The following TMEM38B variants were observed in gnomAD, a reference collection of about 807,000 sequenced individuals.
TMEM38B encodes the protein trimeric intracellular cation channel type B.
TMEM38B carries 24 observed loss-of-function variants against 28.7 expected under a neutral mutation model. The observed-to-expected ratio is 0.84, with a 90% CI of 0.61 to 1.18. The LOEUF (loss-of-function observed/expected upper bound fraction) is 1.18. TMEM38B is among the 50% of genes most tolerant of loss of function. The pLI is 0.00. For missense variants in TMEM38B, 380 were observed against 350.9 expected (o/e 1.08, Z -0.66); for synonymous variants, 131 against 127.7 (o/e 1.03, Z -0.17).
At chr9:105,707,609 GT>G (rs1835723195) in intron 2 of TMEM38B, among the ~76,000 whole-genome samples, 1 of 152,118 alleles carries the variant, frequency 6.6e-6, no homozygotes, top group African/African-American at 2.4e-5. Context: ...GCAATGTTGA[GT>G]TGTTACGATA....
chr9:105,718,279 C>T (rs1441749889), intron 2 of TMEM38B, among the ~76,000 whole-genome samples: 1 of 150,604 alleles, frequency 6.6e-6, no homozygotes, highest in African/African-American at 2.4e-5. Context: ...GCTCTTGTTG[C>T]CTAGGCTGGA....
At chr9:105,726,376 CT>C (rs1836513039) in intron 4 of TMEM38B, among the ~76,000 whole-genome samples, 1 of 152,012 alleles carries the variant, frequency 6.6e-6, no homozygotes, top group Non-Finnish European at 1.5e-5. Context: ...AAGTGTTTTT[CT>C]GTTTTTAAGA....
chr9:105,700,707 T>C (rs1835436011), intron 1 of TMEM38B, among the ~76,000 whole-genome samples: 1 of 152,086 alleles, frequency 6.6e-6, no homozygotes, highest in African/African-American at 2.4e-5. Context: ...TTGTGGGAGA[T>C]GAAAGTTTGT....
intron 4 of TMEM38B, among the ~76,000 whole-genome samples, chr9:105,745,517 T>A (rs911050833): frequency 6.6e-6 from 1 of 152,130 alleles, no homozygotes; most frequent in African/African-American, 2.4e-5. Flanking sequence ...ATTGCAAACA[T>A]TTTCTCCCAT....
At chr9:105,741,081 CAG>C (rs1837186367) in intron 4 of TMEM38B, among the ~76,000 whole-genome samples, 3 of 152,128 alleles carry the variant, frequency 2.0e-5, no homozygotes, top group African/African-American at 7.2e-5. Context: ...AAGAGGAAAA[CAG>C]AGGGAGATTT....
Position 105,774,328 on chromosome 9 carries a change from TTTATA to T in TMEM38B, c.*252_*256del. 3.6e-6 allele frequency: 1 copy of T among 280,328 alleles called. No homozygotes were observed. Among genetic ancestry groups the T allele is most frequent in the Non-Finnish European group, 6.6e-6 (1 of 152,396 alleles). 17.4% of individuals were successfully genotyped at this position (280,328 alleles called of 1,614,324 possible). ...ATTCTGTTGTGATTATTTGAATAGT[TTTATA>T]TTAATAAAAGAAGACAAAATTTTTT... On this transcript the variant is annotated 3_prime_UTR_variant, in exon 6 of 6. Coordinates refer to ENST00000374692, the MANE Select transcript of TMEM38B (RefSeq NM_018112.3).
chr9:105,767,853 G>A (rs903058436), intron 5 of TMEM38B, among the ~76,000 whole-genome samples: 11 of 151,870 alleles, frequency 7.2e-5, no homozygotes, highest in African/African-American at 2.7e-4. Context: ...CTTTAGCATT[G>A]TCTATATACA....
In TMEM38B at chr9:105,760,638, A is replaced by G. The variant is rs1178098446; in HGVS notation, c.660+12448A>G. ...AGTTTCAGAAGGAATACCCCTTGATATATCAGAAAAGATTTCCAACCACGG... is the reference window on the plus strand; with the variant it reads ...AGTTTCAGAAGGAATACCCCTTGATGTATCAGAAAAGATTTCCAACCACGG... On this transcript the variant is annotated intron_variant, in intron 5 of 5. Coordinates refer to ENST00000374692, the MANE Select transcript of TMEM38B (RefSeq NM_018112.3). 6.0e-6 allele frequency: 5 copies of G among 832,710 alleles called. No individual in the cohort carries two copies. The Admixed American group carries it at 8.7e-5, about 14-fold the overall frequency. 51.6% of individuals were successfully genotyped at this position (832,710 alleles called of 1,614,324 possible).
At chr9:105,699,317 TC>T (rs931607377) in intron 1 of TMEM38B, among the ~76,000 whole-genome samples, 1 of 152,126 alleles carries the variant, frequency 6.6e-6, no homozygotes. Flanking sequence ...CTTTTTCCTA[TC>T]CCCCCAGTGA....
intron 5 of TMEM38B, among the ~76,000 whole-genome samples, chr9:105,768,610 TTTAC>T (rs1390742799): frequency 2.0e-5 from 3 of 152,162 alleles, no homozygotes; most frequent in Non-Finnish European, 4.4e-5. Flanking sequence ...GATTTTCTAT[TTTAC>T]TTGTGTCTGT....
intron 5 of TMEM38B, among the ~76,000 whole-genome samples, chr9:105,756,089 C>T (rs185534841): frequency 5.6e-4 from 85 of 152,208 alleles, no homozygotes; most frequent in African/African-American, 1.9e-3. Context: ...ACAGAGGTTT[C>T]AGTGAGCCGA....
At chr9:105,772,359 TCTC>T in intron 5 of TMEM38B, among the ~76,000 whole-genome samples, 1 of 152,310 alleles carries the variant, frequency 6.6e-6, no homozygotes, top group South Asian at 2.1e-4. Context: ...GCTTTGGCCT[TCTC>T]ACATTCCAAC....
chr9:105,741,602 A>T (rs779456941), intron 4 of TMEM38B, among the ~76,000 whole-genome samples: 15 of 152,198 alleles, frequency 9.9e-5, no homozygotes, highest in Non-Finnish European at 2.1e-4. Flanking sequence ...TAGCTGCACA[A>T]TTGTTTGCCA....
intron 4 of TMEM38B, among the ~76,000 whole-genome samples, chr9:105,733,312 C>T (rs1836836798): frequency 6.6e-6 from 1 of 152,072 alleles, no homozygotes; most frequent in Non-Finnish European, 1.5e-5. Flanking sequence ...TCTTGATGGA[C>T]ACCTAGGTGG....
intron 5 of TMEM38B, among the ~76,000 whole-genome samples, chr9:105,756,262 A>G (rs981074206): frequency 2.0e-5 from 3 of 152,184 alleles, no homozygotes; most frequent in Non-Finnish European, 2.9e-5. Context: ...TTCAATCTGC[A>G]TGTCTTTAAT....
At chr9:105,760,417 A>G (rs1255524425) in intron 5 of TMEM38B, 1 of 739,776 alleles carries the variant, frequency 1.4e-6, no homozygotes, top group African/African-American at 1.7e-5. Flanking sequence ...TGAATACTTA[A>G]AAAAGGGACA....
Position 105,760,635 on chromosome 9 carries a change from G to C in TMEM38B, c.660+12445G>C, listed in dbSNP as rs59489093. ...AACAGTTTCAGAAGGAATACCCCTT[G>C]ATATATCAGAAAAGATTTCCAACCA... is the stretch of plus-strand genomic sequence containing the variant. On this transcript the variant is annotated intron_variant, in intron 5 of 5. Transcript: ENST00000374692. 4,088 of 820,594 alleles carry C rather than the reference G, an allele frequency of 5.0e-3. 64 individuals carry two copies. In the East Asian group the frequency reaches 0.054, roughly 11 times the overall value. 50.8% of individuals were successfully genotyped at this position (820,594 alleles called of 1,614,324 possible).
intron 4 of TMEM38B, among the ~76,000 whole-genome samples, chr9:105,727,441 A>G (rs1002520336): frequency 3.9e-5 from 6 of 152,180 alleles, no homozygotes; most frequent in African/African-American, 1.4e-4. Flanking sequence ...CAAGGTGACT[A>G]TCTCTTATTT....
intron 5 of TMEM38B, among the ~76,000 whole-genome samples, chr9:105,755,193 T>C (rs535384613): frequency 2.6e-5 from 4 of 152,312 alleles, no homozygotes; most frequent in African/African-American, 9.6e-5. Flanking sequence ...GATTCACAGC[T>C]GAATTATACC....
Sources: gnomAD v4.1 joint callset for allele counts (sites outside exome capture counted in the v4.1 genomes callset) on GRCh38, gnomAD v4.1.1 for gene constraint, MANE v1.5 for transcripts, NCBI Gene and HGNC (gene_info 2026-07-23, HGNC 2026-07-21) for gene names.